Variants in LARP4B observed in about 807,000 individuals in gnomAD.
LARP4B encodes the protein la-related protein 4B.
In LARP4B, 12 loss-of-function variants were observed where a neutral mutation model predicts 89.8. The observed-to-expected ratio is 0.13, with a 90% confidence interval of 0.09 to 0.22. The LOEUF (loss-of-function observed/expected upper bound fraction) is 0.22, where lower values mean the gene tolerates loss of function less well. LARP4B is among the 10% of genes least tolerant of loss of function. The pLI is 1.00. For synonymous variants in LARP4B, 367 were observed against 363.3 expected, an observed-to-expected ratio of 1.01 and a Z score of -0.12; for missense variants, 757 against 947.7, an observed-to-expected ratio of 0.80 and a Z score of 2.64.
rs192956857 is a variant in LARP4B, at chr10:809,574, C to A, written c.*3352G>T. The A allele has an allele frequency of 6.6e-6, 1 of 152,394 alleles. No homozygotes were observed. Among genetic ancestry groups the A allele is most frequent in the East Asian group, 1.9e-4 (1 of 5,182 alleles). 9.4% of individuals were successfully genotyped at this position (152,394 alleles called of 1,614,324 possible). A position where few individuals can be genotyped will look rare whatever the true frequency, so the allele number is the denominator to read the frequency against. On this transcript the variant is annotated 3_prime_UTR_variant, in exon 18 of 18. Transcript: ENST00000316157. The stretch of plus-strand genomic sequence containing the variant: ...GTGCCTAAATCTTTATTTTCATAAC[C>A]TACATTTTTTTTCAAATTAGACAGT...
chr10:896,862 G>C (rs1400037733), intron 1 of LARP4B, among the ~76,000 whole-genome samples: 1 of 152,088 alleles, frequency 6.6e-6, no homozygotes, highest in Non-Finnish European at 1.5e-5. Flanking sequence ...AGACATCCAT[G>C]TTTATGAAGA....
intron 1 of LARP4B, among the ~76,000 whole-genome samples, chr10:906,225 T>C (rs997844857): frequency 6.6e-6 from 1 of 152,260 alleles, no homozygotes; most frequent in Non-Finnish European, 1.5e-5. Flanking sequence ...AATGCTTCTA[T>C]GACTCTTCTT....
chr10:834,048 G>A (rs1170888536), intron 8 of LARP4B, among the ~76,000 whole-genome samples: 2 of 152,162 alleles, frequency 1.3e-5, no homozygotes, highest in South Asian at 2.1e-4. Context: ...ATCAAGGAAC[G>A]TGAGAGTGGC....
chr10:986,014 C>A, the LARP4B span: 1 of 152,324 alleles, frequency 6.6e-6, no homozygotes, highest in East Asian at 1.9e-4. Flanking sequence ...AAGTGGCCGA[C>A]GGGCCCAATG....
intron 1 of LARP4B, among the ~76,000 whole-genome samples, chr10:920,933 T>C (rs1836961241): frequency 6.6e-6 from 1 of 152,278 alleles, no homozygotes; most frequent in Non-Finnish European, 1.5e-5. Flanking sequence ...AAATATATGC[T>C]TTACAATAAA....
chr10:863,699 C>G (rs529348285), intron 5 of LARP4B, 44 bp downstream of exon 5: 1 of 1,532,702 alleles, frequency 6.5e-7, no homozygotes, highest in Non-Finnish European at 8.8e-7. Context: ...ATAAATAAAG[C>G]AGCCCATATT....
intron 1 of LARP4B, among the ~76,000 whole-genome samples, chr10:898,190 C>A (rs1836244109): frequency 6.6e-6 from 1 of 152,110 alleles, no homozygotes; most frequent in African/African-American, 2.4e-5. Context: ...AACAAAAATA[C>A]TACTTTGCAT....
the LARP4B span, among the ~76,000 whole-genome samples, chr10:968,523 AAAG>A: frequency 1.3e-5 from 2 of 152,316 alleles, no homozygotes; most frequent in Middle Eastern, 3.4e-3. Flanking sequence ...ATCGCCGCAG[AAAG>A]AAGATGTGAA....
intron 1 of LARP4B, among the ~76,000 whole-genome samples, chr10:900,083 C>G (rs915543801): frequency 6.6e-6 from 1 of 151,886 alleles, no homozygotes; most frequent in South Asian, 2.1e-4. Flanking sequence ...CAGTGGCTCA[C>G]GCCTATAATC....
At chr10:967,597 C>G in the LARP4B span, among the ~76,000 whole-genome samples, 1 of 152,190 alleles carries the variant, frequency 6.6e-6, no homozygotes. Context: ...CACGAAATCG[C>G]AGAACTCTAG....
At position 814,551 on chromosome 10, in the gene LARP4B, A is replaced by G. The variant is rs1033735528; in HGVS notation, c.1929+191T>C. On this transcript the variant is annotated intron_variant, in intron 17 of 17. Coordinates refer to ENST00000316157, the MANE Select transcript of LARP4B (RefSeq NM_015155.3). This position sits in a 1 kb window ranked among gnomAD's most constrained non-coding sequence, Gnocchi z 4.4. ...CTACATGGTGGTCTGAGAAAGAACTAGAGTAGTTAGTGGAAAATTATTAGC... is the reference window on the plus strand; with the variant it reads ...CTACATGGTGGTCTGAGAAAGAACTGGAGTAGTTAGTGGAAAATTATTAGC... 2 of 1,276,994 alleles carry G rather than the reference A, an allele frequency of 1.6e-6. No individual in the cohort carries two copies. Among genetic ancestry groups the G allele is most frequent in the Admixed American group, 2.0e-5 (1 of 49,392 alleles). The allele number at this position is 1,276,994 out of a possible 1,614,324, so 79.1% of individuals were successfully genotyped here. A position where few individuals can be genotyped will look rare whatever the true frequency, so the allele number is the denominator to read the frequency against.
intron 1 of LARP4B, among the ~76,000 whole-genome samples, chr10:887,508 C>T (rs548482184): frequency 1.5e-4 from 22 of 151,292 alleles, no homozygotes; most frequent in African/African-American, 5.3e-4. Flanking sequence ...GTAAGGCGTT[C>T]GAGACCAGCC....
chr10:866,966 C>G (rs1002735325), intron 3 of LARP4B, among the ~76,000 whole-genome samples: 5 of 152,216 alleles, frequency 3.3e-5, no homozygotes, highest in African/African-American at 1.2e-4. Flanking sequence ...ATAGCCAGCA[C>G]AGTCCTGAAT....
At chr10:886,417 A>C (rs2131936629) in intron 1 of LARP4B, among the ~76,000 whole-genome samples, 1 of 152,312 alleles carries the variant, frequency 6.6e-6, no homozygotes, top group Middle Eastern at 3.4e-3. Flanking sequence ...CAAAAATTTG[A>C]AAATAGAACT....
the LARP4B span, among the ~76,000 whole-genome samples, chr10:953,911 G>A: frequency 6.6e-6 from 1 of 152,242 alleles, no homozygotes; most frequent in Non-Finnish European, 1.5e-5. Flanking sequence ...CCCTGAGCAA[G>A]CTCCAAGGAA....
At chr10:825,719 C>CAGT in intron 12 of LARP4B, 45 bp downstream of exon 12, 1 of 1,288,022 alleles carries the variant, frequency 7.8e-7, no homozygotes, top group Non-Finnish European at 1.1e-6. Context: ...TCCGGAAGGG[C>CAGT]AGTAGCGTAA....
At chr10:987,304 G>A in the LARP4B span, 4 of 152,258 alleles carry the variant, frequency 2.6e-5, no homozygotes, top group African/African-American at 9.6e-5. Flanking sequence ...GCATGACCCA[G>A]AATGATTTTC....
upstream of LARP4B, among the ~76,000 whole-genome samples, chr10:936,076 A>G (rs1830745483): frequency 6.6e-6 from 1 of 152,192 alleles, no homozygotes; most frequent in South Asian, 2.1e-4. Context: ...AATAAACACT[A>G]CTTCTCCAAT....
At chr10:901,023 G>A (rs747501556) in intron 1 of LARP4B, among the ~76,000 whole-genome samples, 1 of 150,178 alleles carries the variant, frequency 6.7e-6, no homozygotes. Flanking sequence ...GGGTTCAAGC[G>A]ATTCTCCTGC....
Sources: gnomAD v4.1 joint callset for allele counts (sites outside exome capture counted in the v4.1 genomes callset) on GRCh38, gnomAD v4.1.1 for gene constraint, Gnocchi (gnomAD v3.1) non-coding constraint, MANE v1.5 for transcripts, NCBI Gene and HGNC (gene_info 2026-07-23, HGNC 2026-07-21) for gene names.